Variants in VPS8 observed in about 807,000 individuals in gnomAD.
VPS8 encodes vacuolar protein sorting-associated protein 8 homolog.
Under a neutral mutation model 216.4 loss-of-function variants are expected in VPS8, and 129 were observed. The ratio of observed to expected loss-of-function variants is 0.60; its 90% confidence interval spans 0.52 to 0.69. VPS8 has a LOEUF of 0.69. VPS8 is among the 30% of genes least tolerant of loss of function. VPS8 has a pLI of 0.00. For missense variants in VPS8, 1,531 were observed against 1,683.5 expected, an observed-to-expected ratio of 0.91 and a Z score of 1.59; for synonymous variants, 571 against 565.4, an observed-to-expected ratio of 1.01 and a Z score of -0.14.
At chr3:184,970,037 A>G (rs1267590319) in intron 39 of VPS8, among the ~76,000 whole-genome samples, 1 of 147,318 alleles carries the variant, frequency 6.8e-6, no homozygotes. Flanking sequence ...CAGCCTCCCG[A>G]GTGGCTGGTG....
rs1274467384 is a variant in VPS8, at chr3:184,843,335, C to T, written c.541+90C>T. 3.1e-6 allele frequency: 3 copies of T among 982,518 alleles called. 1 individual carries two copies. In the Admixed American group the frequency reaches 1.2e-4, roughly 38 times the overall value. 60.9% of individuals were successfully genotyped at this position (982,518 alleles called of 1,614,324 possible). A position where few individuals can be genotyped will look rare whatever the true frequency, so the allele number is the denominator to read the frequency against. On this transcript the variant is annotated intron_variant, in intron 8 of 47. Transcript: ENST00000625842. ...TGCTACCAATTATAGTCAATGTCCT[C>T]TTACGAAATGCTTATTGAAAAAAAC...
At chr3:185,018,963 A>G (rs553974433) in intron 45 of VPS8, among the ~76,000 whole-genome samples, 1 of 152,258 alleles carries the variant, frequency 6.6e-6, no homozygotes, top group South Asian at 2.1e-4. Context: ...TCTTCAAAAT[A>G]ATGAGGGGGT....
intron 9 of VPS8, 80 bp from the exon 10 acceptor site, chr3:184,849,856 T>A: frequency 9.7e-7 from 1 of 1,029,970 alleles, no homozygotes; most frequent in Non-Finnish European, 1.5e-6. Context: ...AGGAATAGAT[T>A]ATTCCAGCCA....
At chr3:184,846,617 G>T (rs1411297039) in intron 8 of VPS8, among the ~76,000 whole-genome samples, 1 of 152,212 alleles carries the variant, frequency 6.6e-6, no homozygotes, top group Non-Finnish European at 1.5e-5. Flanking sequence ...CTCAAAGCAG[G>T]GACTACAAAG....
chr3:184,984,519 C>T (rs1264781916), intron 42 of VPS8, among the ~76,000 whole-genome samples: 2 of 151,994 alleles, frequency 1.3e-5, no homozygotes, highest in African/African-American at 4.8e-5. Context: ...TCTCAAACTC[C>T]TGACCTCAGG....
chr3:184,944,096 AG>A (rs34118377), intron 36 of VPS8, among the ~76,000 whole-genome samples: 2 of 152,114 alleles, frequency 1.3e-5, no homozygotes, highest in Non-Finnish European at 2.9e-5. Flanking sequence ...GTTGTTTTTG[AG>A]GGGGTAGTTT....
intron 30 of VPS8, among the ~76,000 whole-genome samples, chr3:184,926,278 G>A (rs1739619982): frequency 6.6e-6 from 1 of 151,854 alleles, no homozygotes; most frequent in Non-Finnish European, 1.5e-5. Flanking sequence ...TCGGGAGGCT[G>A]AGGCAGGAGA....
At chr3:184,976,506 TTTGTTACCTAGATATA>T (rs1749295534) in intron 40 of VPS8, among the ~76,000 whole-genome samples, 1 of 152,230 alleles carries the variant, frequency 6.6e-6, no homozygotes, top group South Asian at 2.1e-4. Context: ...AATGCTGGCC[TTTGTTACCTAGATATA>T]TTGCATGGTG....
intron 36 of VPS8, among the ~76,000 whole-genome samples, chr3:184,956,347 A>G (rs1327844821): frequency 6.6e-6 from 1 of 152,226 alleles, no homozygotes; most frequent in Non-Finnish European, 1.5e-5. Context: ...CTTGTGAGCA[A>G]TCTTACTTCA....
intron 1 of VPS8, among the ~76,000 whole-genome samples, chr3:184,816,494 G>A (rs986443740): frequency 1.3e-5 from 2 of 152,104 alleles, no homozygotes; most frequent in African/African-American, 4.8e-5. Flanking sequence ...GGGCTTTTTC[G>A]TCGTGGCAGT....
rs766637025 is a variant in VPS8 at position 185,024,332 on chromosome 3, C to G, written c.4003-4C>G. 1 of 1,582,146 alleles carries G rather than the reference C, an allele frequency of 6.3e-7. No individual in the cohort carries two copies. On this transcript the variant is annotated splice_region_variant and splice_polypyrimidine_tract_variant and intron_variant, in intron 45 of 47. Coordinates refer to ENST00000625842, the MANE Select transcript of VPS8 (RefSeq NM_001009921.3). ...GTATTAAAATGTTTGCCTTTTTTTT[C>G]CAGGTAAAAATGTCTCCATCGTATC... is the stretch of plus-strand genomic sequence containing the variant.
At chr3:184,844,549 C>A (rs967770631) in intron 8 of VPS8, among the ~76,000 whole-genome samples, 4 of 152,114 alleles carry the variant, frequency 2.6e-5, no homozygotes, top group African/African-American at 9.7e-5. Context: ...TAGGTATTTC[C>A]TTCTTTGAGA....
At chr3:185,051,768 C>T (rs1714297442) in intron 47 of VPS8, 108 bp from the exon 48 acceptor site, 1 of 1,310,194 alleles carries the variant, frequency 7.6e-7, no homozygotes, top group African/African-American at 1.5e-5. Context: ...CATGTTACTA[C>T]TCCTGCAACA....
intron 39 of VPS8, among the ~76,000 whole-genome samples, chr3:184,967,111 C>T (rs937810445): frequency 9.9e-5 from 15 of 152,002 alleles, no homozygotes; most frequent in African/African-American, 3.4e-4. Context: ...GGACTACAGG[C>T]GTATGCCATC....
At chr3:184,970,508 G>C (rs1748231211) in intron 39 of VPS8, among the ~76,000 whole-genome samples, 1 of 152,190 alleles carries the variant, frequency 6.6e-6, no homozygotes, top group African/African-American at 2.4e-5. Context: ...AGAAAGACTT[G>C]AAGGATAAAT....
intron 3 of VPS8, among the ~76,000 whole-genome samples, chr3:184,829,838 C>T (rs1719609743): frequency 6.6e-6 from 1 of 152,146 alleles, no homozygotes; most frequent in African/African-American, 2.4e-5. Context: ...ATTGCCTTTT[C>T]ATATAATTAG....
intron 5 of VPS8, among the ~76,000 whole-genome samples, chr3:184,838,191 G>A (rs760445687): frequency 6.6e-5 from 10 of 152,132 alleles, no homozygotes; most frequent in South Asian, 2.1e-4. Context: ...TGTAGTTACC[G>A]GTAAGGAGCT....
chr3:184,943,892 A>G (rs1743178594), intron 36 of VPS8, among the ~76,000 whole-genome samples: 1 of 152,240 alleles, frequency 6.6e-6, no homozygotes, highest in Admixed American at 6.5e-5. Flanking sequence ...ACCTGAGGTC[A>G]GGAGTTCGAG....
At chr3:184,992,656 A>G (rs914130282) in intron 42 of VPS8, among the ~76,000 whole-genome samples, 1 of 152,102 alleles carries the variant, frequency 6.6e-6, no homozygotes, top group Non-Finnish European at 1.5e-5. Context: ...TACTTTTATC[A>G]TAACTGTGTA....
Sources: gnomAD v4.1 joint callset for allele counts (sites outside exome capture counted in the v4.1 genomes callset) on GRCh38, gnomAD v4.1.1 for gene constraint, MANE v1.5 for transcripts, NCBI Gene and HGNC (gene_info 2026-07-23, HGNC 2026-07-21) for gene names.